The following ZNF273 variants were observed in gnomAD, a reference collection of about 807,000 sequenced individuals.
ZNF273 encodes the protein zinc finger protein 9.
Under a neutral mutation model 14.9 loss-of-function variants are expected in ZNF273, and 11 were observed. The ratio of observed to expected loss-of-function variants is 0.74; its 90% CI spans 0.46 to 1.22. The LOEUF is 1.22. ZNF273 is among the 50% of genes most tolerant of loss of function. The pLI is 0.00. For synonymous variants in ZNF273, 199 were observed against 223.9 expected, an observed-to-expected ratio of 0.89 and a Z score of 0.99; for missense variants, 577 against 660.6, an observed-to-expected ratio of 0.87 and a Z score of 1.39.
upstream of ZNF273, among the ~76,000 whole-genome samples, chr7:64,902,086 A>G (rs1175270042): frequency 6.7e-6 from 1 of 148,920 alleles, no homozygotes; most frequent in Non-Finnish European, 1.5e-5. Flanking sequence ...AATATATATT[A>G]CATGAAAAAT....
At chr7:64,907,890 C>A (rs1421196976) in intron 1 of ZNF273, among the ~76,000 whole-genome samples, 1 of 152,150 alleles carries the variant, frequency 6.6e-6, no homozygotes, top group Admixed American at 6.5e-5. Flanking sequence ...ATAACAGACC[C>A]CTTTTTTCCA....
At chr7:64,894,152 G>A (rs191475967), downstream of ZNF273, among the ~76,000 whole-genome samples, 492 of 152,118 alleles carry the variant, frequency 3.2e-3, 7 homozygotes, top group African/African-American at 0.011. Flanking sequence ...CTACAGGCGC[G>A]TGCCACTACA....
intron 3 of ZNF273, 139 bp downstream of exon 3, chr7:64,918,431 G>A (rs1036971802): frequency 8.3e-6 from 6 of 719,162 alleles, no homozygotes; most frequent in African/African-American, 5.7e-5. Context: ...GGGAGGCCGA[G>A]GCGGGCGGAT....
At chr7:64,899,044 T>C (rs1300544265), upstream of ZNF273, among the ~76,000 whole-genome samples, 1 of 152,266 alleles carries the variant, frequency 6.6e-6, no homozygotes, top group Non-Finnish European at 1.5e-5. Flanking sequence ...AATATGTGTA[T>C]ATAACATGCA....
intron 1 of ZNF273, 98 bp downstream of exon 1, chr7:64,903,517 C>T (rs1792880385): frequency 8.2e-7 from 1 of 1,220,168 alleles, no homozygotes; most frequent in Non-Finnish European, 1.2e-6. Context: ...CTGCAGTAGA[C>T]TCCAAAATCC....
downstream of ZNF273, among the ~76,000 whole-genome samples, chr7:64,894,132 G>C (rs1272415323): frequency 1.3e-5 from 2 of 152,094 alleles, no homozygotes; most frequent in African/African-American, 4.8e-5. Flanking sequence ...AGCCTCTAGA[G>C]TAGCTGAAAC....
upstream of ZNF273, among the ~76,000 whole-genome samples, chr7:64,899,405 G>A (rs1413051454): frequency 6.6e-6 from 1 of 152,154 alleles, no homozygotes; most frequent in South Asian, 2.1e-4. Flanking sequence ...CTGTAATCCC[G>A]ACATTTTGGG....
At chr7:64,888,345 C>T (rs774125347) in intron 1 of ZNF273, 751 of 985,230 alleles carry the variant, frequency 7.6e-4, no homozygotes, top group Non-Finnish European at 8.9e-4. Flanking sequence ...GCTCAAATTC[C>T]TGCTCCCAGG....
At chr7:64,889,835 A>C, downstream of ZNF273, 1 of 909,502 alleles carries the variant, frequency 1.1e-6, no homozygotes, top group Non-Finnish European at 1.3e-6. The surrounding 1 kb of genome is among the most constrained non-coding windows in gnomAD (Gnocchi z 4.2). Flanking sequence ...CGGGCAAGTC[A>C]GTTGCCTCAG....
At chr7:64,914,984 C>T (rs1213845205) in intron 1 of ZNF273, among the ~76,000 whole-genome samples, 2 of 150,220 alleles carry the variant, frequency 1.3e-5, no homozygotes, top group Non-Finnish European at 2.9e-5. Flanking sequence ...CACTCTGCCT[C>T]CTGGAATGCC....
At position 64,912,846 on chromosome 7, in the gene ZNF273, T is replaced by TTTTTTTTTTTTTTTTTTTTTTTTTTTTG. The variant is rs1562959220; in HGVS notation, c.103-4735_103-4734insTTTTTTTTTTTTTTTTTTTTTTTTTTTG. On this transcript the variant is annotated intron_variant, in intron 1 of 3. Transcript: ENST00000476120. ...TTTTAGTTTTTTTTTTTTTTTTTTT[T>TTTTTTTTTTTTTTTTTTTTTTTTTTTTG]GAGATTGAGTTTCGCTCTGTCATCC... Among the ~76,000 whole-genome samples, 36 of 98,266 alleles carry TTTTTTTTTTTTTTTTTTTTTTTTTTTTG rather than the reference T, an allele frequency of 3.7e-4. 6 individuals are homozygous for TTTTTTTTTTTTTTTTTTTTTTTTTTTTG. The highest frequency in any genetic ancestry group is 6.4e-4 in the Non-Finnish European group (25 of 39,250). 64.5% of individuals were successfully genotyped at this position (98,266 alleles called of 152,430 possible).
chr7:64,891,059 T>G (rs1172442356), downstream of ZNF273, among the ~76,000 whole-genome samples: 1 of 152,240 alleles, frequency 6.6e-6, no homozygotes, highest in Non-Finnish European at 1.5e-5. Flanking sequence ...CTCCTCTTTC[T>G]GCCAGTGGTC....
intron 3 of ZNF273, chr7:64,924,169 A>G (rs934852959): frequency 6.6e-6 from 1 of 152,182 alleles, no homozygotes. Context: ...TTATATTGTC[A>G]TTCCATTTTT....
At chr7:64,882,251 G>A (rs1478159649), downstream of ZNF273, among the ~76,000 whole-genome samples, 1 of 152,180 alleles carries the variant, frequency 6.6e-6, no homozygotes, top group Non-Finnish European at 1.5e-5. Flanking sequence ...GCCTTTTTCG[G>A]GAAGGGAGTC....
intron 1 of ZNF273, 26 bp from the exon 2 acceptor site, chr7:64,917,554 AT>A (rs1483833498): frequency 6.3e-7 from 1 of 1,581,572 alleles, no homozygotes; most frequent in Non-Finnish European, 8.6e-7. Flanking sequence ...GTTGGTAAAT[AT>A]GTTTTTGTGT....
chr7:64,918,352 G>A, intron 3 of ZNF273, 60 bp downstream of exon 3: 1 of 1,435,388 alleles, frequency 7.0e-7, no homozygotes, highest in Non-Finnish European at 9.3e-7. Context: ...AAAGGTCAAG[G>A]AGAAAGTCAG....
chr7:64,904,553 A>G (rs375323992), intron 1 of ZNF273, among the ~76,000 whole-genome samples: 1 of 152,078 alleles, frequency 6.6e-6, no homozygotes, highest in South Asian at 2.1e-4. Flanking sequence ...CCCACCCCCA[A>G]TTCCTTCAGC....
At chr7:64,883,171 T>G (rs1791345279), downstream of ZNF273, among the ~76,000 whole-genome samples, 3 of 146,946 alleles carry the variant, frequency 2.0e-5, no homozygotes, top group Admixed American at 6.9e-5. Flanking sequence ...GAATCCGCGG[T>G]GAATTGGGGG....
chr7:64,894,091 G>A (rs552014913), downstream of ZNF273, among the ~76,000 whole-genome samples: 1 of 152,194 alleles, frequency 6.6e-6, no homozygotes, highest in East Asian at 1.9e-4. Context: ...TGCAACCTCC[G>A]TCTCCCGGGT....
Sources: allele counts gnomAD v4.1 joint callset (sites outside exome capture counted in the v4.1 genomes callset), GRCh38; gene constraint gnomAD v4.1.1; non-coding constraint Gnocchi (gnomAD v3.1); transcripts MANE v1.5; gene names NCBI Gene and HGNC (gene_info 2026-07-23, HGNC 2026-07-21).